ST6GALNAC3: variants seen among roughly 807,000 people sequenced by gnomAD.
ST6GALNAC3 encodes ST6 N-acetylgalactosaminide alpha-2,6-sialyltransferase 3, also known as alpha-N-acetylgalactosaminide alpha-2,6-sialyltransferase 3.
Under a neutral mutation model 32.7 loss-of-function variants are expected in ST6GALNAC3, and 25 were observed. The observed-to-expected ratio is 0.76, with a 90% confidence interval of 0.56 to 1.07. The LOEUF is 1.07. Among genes scored for constraint, ST6GALNAC3 ranks in the 50% least tolerant of loss-of-function variants. The pLI is 0.00. For synonymous variants in ST6GALNAC3, 129 were observed against 133.1 expected (o/e 0.97, Z 0.21); for missense variants, 355 against 382.4 (o/e 0.93, Z 0.60).
At chr1:76,417,750 G>A (rs1383924928) in intron 3 of ST6GALNAC3, among the ~76,000 whole-genome samples, 1 of 152,096 alleles carries the variant, frequency 6.6e-6, no homozygotes, top group Admixed American at 6.6e-5. Flanking sequence ...AAAGAGCAAA[G>A]CTAATTCTGG....
intron 1 of ST6GALNAC3, among the ~76,000 whole-genome samples, chr1:76,209,526 C>T (rs550100166): frequency 3.5e-4 from 53 of 152,278 alleles, no homozygotes; most frequent in African/African-American, 1.2e-3. Flanking sequence ...TGTGGGCTAG[C>T]AGCTGTTCTG....
chr1:76,326,138 T>C (rs541226709), intron 2 of ST6GALNAC3, among the ~76,000 whole-genome samples: 1 of 152,306 alleles, frequency 6.6e-6, no homozygotes, highest in East Asian at 1.9e-4. Context: ...GTTCCAAAGC[T>C]GCAAGTTGGG....
At chr1:76,175,775 G>T (rs1039832608) in intron 1 of ST6GALNAC3, among the ~76,000 whole-genome samples, 1 of 146,480 alleles carries the variant, frequency 6.8e-6, no homozygotes, top group Non-Finnish European at 1.5e-5. Flanking sequence ...TCCAAAGCTT[G>T]GGGCAGACCA....
intron 3 of ST6GALNAC3, among the ~76,000 whole-genome samples, chr1:76,610,174 A>G (rs561608943): frequency 1.3e-5 from 2 of 152,314 alleles, no homozygotes; most frequent in East Asian, 3.9e-4. Context: ...TCTTAATTTG[A>G]AATATTTTCT....
intron 2 of ST6GALNAC3, among the ~76,000 whole-genome samples, chr1:76,326,554 T>A (rs567969373): frequency 2.6e-5 from 4 of 152,078 alleles, no homozygotes; most frequent in East Asian, 3.9e-4. Flanking sequence ...TCTACTAATA[T>A]CTTATCTACA....
chr1:76,416,755 G>A (rs751357836), intron 3 of ST6GALNAC3, among the ~76,000 whole-genome samples: 7 of 150,890 alleles, frequency 4.6e-5, no homozygotes, highest in Non-Finnish European at 1.0e-4. Context: ...AGCCTCCTGA[G>A]TAGCTGGGAC....
chr1:76,374,639 T>C (rs1278649729), intron 2 of ST6GALNAC3, among the ~76,000 whole-genome samples: 1 of 152,206 alleles, frequency 6.6e-6, no homozygotes, highest in African/African-American at 2.4e-5. Context: ...AAATATGTAT[T>C]GAGTACTTAC....
At chr1:76,618,185 C>G (rs190965585) in intron 3 of ST6GALNAC3, among the ~76,000 whole-genome samples, 4 of 152,230 alleles carry the variant, frequency 2.6e-5, no homozygotes, top group African/African-American at 9.6e-5. Context: ...GAAACTGTAG[C>G]CTGGGAAGAA....
chr1:76,588,234 A>T (rs1646992853), intron 3 of ST6GALNAC3, among the ~76,000 whole-genome samples: 1 of 151,974 alleles, frequency 6.6e-6, no homozygotes, highest in Non-Finnish European at 1.5e-5. Flanking sequence ...AAGAAATATC[A>T]CTTAAAAAAA....
intron 4 of ST6GALNAC3, among the ~76,000 whole-genome samples, chr1:76,628,302 A>G (rs1649102689): frequency 6.6e-6 from 1 of 151,958 alleles, no homozygotes; most frequent in Non-Finnish European, 1.5e-5. Context: ...GTGAAAAATC[A>G]CAGTTTCTTC....
chr1:76,107,119 C>T (rs1016416114), intron 1 of ST6GALNAC3, among the ~76,000 whole-genome samples: 1 of 152,204 alleles, frequency 6.6e-6, no homozygotes, highest in African/African-American at 2.4e-5. Flanking sequence ...AGAGAACTTA[C>T]ATTGTGGGTT....
At chr1:76,431,056 G>C (rs7546140) in intron 3 of ST6GALNAC3, among the ~76,000 whole-genome samples, 7,040 of 152,160 alleles carry the variant, frequency 0.046, 568 homozygotes, top group African/African-American at 0.16. Flanking sequence ...ACAGATTCCT[G>C]TGATGCAGAG....
rs963073018 is a variant in ST6GALNAC3 at position 76,278,366 on chromosome 1, G to C, written c.19-35439G>C. Among the ~76,000 whole-genome samples, 15 of 151,540 alleles carry C rather than the reference G, an allele frequency of 9.9e-5. No individual in the cohort carries two copies. The South Asian group carries it at 1.2e-3, about 13-fold the overall frequency. On this transcript the variant is annotated intron_variant, in intron 1 of 4. Coordinates refer to ENST00000328299, the MANE Select transcript of ST6GALNAC3 (RefSeq NM_152996.4). The stretch of plus-strand genomic sequence containing the variant: ...CCTCCCGAGTAGCTGGGACTACAGG[G>C]GCCCGCCACCATGCCCAGCTAATTT...
Position 76,630,081 on chromosome 1 carries a change from T to C in ST6GALNAC3, c.*1275T>C, listed in dbSNP as rs769787281. On this transcript the variant is annotated 3_prime_UTR_variant, in exon 5 of 5. Transcript: ENST00000328299. The stretch of plus-strand genomic sequence containing the variant: ...TGCCCTTGAACACCCCATTGGGCTA[T>C]TGTCTGTGTATTCTGCTCTCTTTAG... 80 of 985,248 alleles carry C rather than the reference T, an allele frequency of 8.1e-5. No homozygotes were observed. Among genetic ancestry groups the C allele is most frequent in the Non-Finnish European group, 9.2e-5 (76 of 829,820 alleles). 61.0% of individuals were successfully genotyped at this position (985,248 alleles called of 1,614,324 possible).
chr1:76,602,578 C>A (rs905758130), intron 3 of ST6GALNAC3, among the ~76,000 whole-genome samples: 2 of 151,392 alleles, frequency 1.3e-5, no homozygotes, highest in African/African-American at 4.9e-5. Context: ...AAAATATGCT[C>A]GTTAAAAAAA....
At chr1:76,420,284 C>A (rs2101369682) in intron 3 of ST6GALNAC3, among the ~76,000 whole-genome samples, 1 of 152,064 alleles carries the variant, frequency 6.6e-6, no homozygotes, top group African/African-American at 2.4e-5. Context: ...TTTTCTTGAA[C>A]CAAATAAATA....
At chr1:76,624,468 T>A (rs1370947638) in intron 3 of ST6GALNAC3, among the ~76,000 whole-genome samples, 1 of 151,948 alleles carries the variant, frequency 6.6e-6, no homozygotes, top group Non-Finnish European at 1.5e-5. Context: ...AACGACTGTG[T>A]GGGCTAGACC....
rs1557860427 is a variant in ST6GALNAC3, at chr1:76,406,437, G to C, written c.214-5571G>C. Among the ~76,000 whole-genome samples the C allele has an allele frequency of 3.9e-5, 6 of 152,162 alleles. No homozygotes were observed. The South Asian group carries it at 1.2e-3, about 32-fold the overall frequency. Reference sequence around the variant, plus strand: ...AGAAACAGTTTGAAAAGCAAATTGAGTAAGCAGATGTGAAGGACCATTTAA... The same window carrying C: ...AGAAACAGTTTGAAAAGCAAATTGACTAAGCAGATGTGAAGGACCATTTAA... On this transcript the variant is annotated intron_variant, in intron 2 of 4. Coordinates refer to ENST00000328299, the MANE Select transcript of ST6GALNAC3 (RefSeq NM_152996.4).
chr1:76,501,625 A>G (rs1416815400), intron 3 of ST6GALNAC3, among the ~76,000 whole-genome samples: 1 of 152,190 alleles, frequency 6.6e-6, no homozygotes, highest in African/African-American at 2.4e-5. Flanking sequence ...AATAAATTAA[A>G]CGAAAGATAA....
Sources: allele counts gnomAD v4.1 joint callset (sites outside exome capture counted in the v4.1 genomes callset), GRCh38; gene constraint gnomAD v4.1.1; transcripts MANE v1.5; gene names NCBI Gene and HGNC (gene_info 2026-07-23, HGNC 2026-07-21).